PRKG1: variants seen among roughly 807,000 people sequenced by gnomAD.
PRKG1 encodes the protein protein kinase cGMP-dependent 1.
Under a neutral mutation model 88.1 loss-of-function variants are expected in PRKG1, and 35 were observed. That is an observed-to-expected ratio of 0.40 (90% CI 0.30 to 0.53). The LOEUF (loss-of-function observed/expected upper bound fraction) is 0.53, where lower values mean the gene tolerates loss of function less well. Ranked by LOEUF, PRKG1 falls within the 20% of genes least tolerant of loss-of-function variation. The pLI, the probability that PRKG1 is intolerant of heterozygous loss-of-function variation, is 0.59. For missense variants in PRKG1, 540 were observed against 839.8 expected (o/e 0.64, Z 4.41); for synonymous variants, 303 against 292.5 (o/e 1.04, Z -0.37).
chr10:52,160,764 A>G (rs1393253214), intron 8 of PRKG1, among the ~76,000 whole-genome samples: 1 of 152,108 alleles, frequency 6.6e-6, no homozygotes, highest in Non-Finnish European at 1.5e-5. Context: ...AACCATTTAC[A>G]TGTATTAAGC....
intron 5 of PRKG1, among the ~76,000 whole-genome samples, chr10:52,027,643 A>C (rs1245250938): frequency 6.6e-6 from 1 of 151,490 alleles, no homozygotes; most frequent in African/African-American, 2.5e-5. Context: ...TTGCAATGAC[A>C]GTCTATGACA....
At chr10:52,122,374 A>C (rs1006493813) in intron 7 of PRKG1, among the ~76,000 whole-genome samples, 1 of 152,222 alleles carries the variant, frequency 6.6e-6, no homozygotes, top group Admixed American at 6.5e-5. Flanking sequence ...TCCAAGACAT[A>C]AATTCTGGGG....
chr10:51,999,144 G>A (rs894617873), intron 5 of PRKG1, among the ~76,000 whole-genome samples: 2 of 152,160 alleles, frequency 1.3e-5, no homozygotes, highest in Admixed American at 1.3e-4. Flanking sequence ...TTATATGTGG[G>A]AGATTAAAAA....
At chr10:51,581,567 TG>T (rs1216973594) in intron 3 of PRKG1, among the ~76,000 whole-genome samples, 1 of 152,162 alleles carries the variant, frequency 6.6e-6, no homozygotes, top group Non-Finnish European at 1.5e-5. Flanking sequence ...ATAGGAATCT[TG>T]GTGATGTGAA....
At chr10:51,143,064 C>T (rs897912536) in intron 1 of PRKG1, among the ~76,000 whole-genome samples, 1 of 152,018 alleles carries the variant, frequency 6.6e-6, no homozygotes, top group African/African-American at 2.4e-5. Flanking sequence ...TACAGTAGGT[C>T]TCTTGAAATT....
At chr10:51,745,197 CA>C (rs1837545880) in intron 3 of PRKG1, among the ~76,000 whole-genome samples, 1 of 152,130 alleles carries the variant, frequency 6.6e-6, no homozygotes, top group South Asian at 2.1e-4. Flanking sequence ...TTTTAAGAGT[CA>C]AATAATTGTT....
chr10:50,991,465 G>C lies in PRKG1; in HGVS notation c.87G>C (p.Lys29Asn). The C allele has an allele frequency of 6.2e-7, 1 of 1,608,396 alleles. No homozygotes were observed. Among genetic ancestry groups the C allele is most frequent in the Non-Finnish European group, 8.5e-7 (1 of 1,177,764 alleles). Reference sequence around the variant, plus strand: ...AGCTGGAGAAGCGGCTGTCAGAGAAGGAGGAAGAAATTCAGGAGCTGAAGA... The same window carrying C: ...AGCTGGAGAAGCGGCTGTCAGAGAACGAGGAAGAAATTCAGGAGCTGAAGA... The change falls in exon 1 of 18, where the codon AAG (lysine) becomes AAC (asparagine). Residue 29 changes from lysine (K) to asparagine (N), a missense_variant. Physicochemically the swap from Lys to Asn is moderately conservative, Grantham distance 94. Transcript: ENST00000401604. This position sits in a 1 kb window ranked among gnomAD's most constrained non-coding sequence, Gnocchi z 4.5.
At chr10:51,593,961 G>A (rs562926178) in intron 3 of PRKG1, among the ~76,000 whole-genome samples, 1 of 151,926 alleles carries the variant, frequency 6.6e-6, no homozygotes, top group Non-Finnish European at 1.5e-5. Context: ...CTGACCTCAG[G>A]TAATCTACCC....
intron 9 of PRKG1, among the ~76,000 whole-genome samples, chr10:52,240,582 A>G (rs965141620): frequency 9.2e-5 from 14 of 152,298 alleles, no homozygotes; most frequent in African/African-American, 3.1e-4. Context: ...TGGCAGCATC[A>G]TAGAACAATG....
chr10:51,182,221 G>C (rs1339260397), intron 2 of PRKG1, among the ~76,000 whole-genome samples: 3 of 152,178 alleles, frequency 2.0e-5, no homozygotes, highest in Non-Finnish European at 2.9e-5. Flanking sequence ...TGGTGTTGAA[G>C]ACTTTGGGAT....
At chr10:51,835,221 G>A (rs1392210996) in intron 4 of PRKG1, among the ~76,000 whole-genome samples, 1 of 152,188 alleles carries the variant, frequency 6.6e-6, no homozygotes, top group Admixed American at 6.5e-5. Flanking sequence ...TCTGGCAGGT[G>A]GTACTTGACA....
intron 4 of PRKG1, among the ~76,000 whole-genome samples, chr10:51,846,693 C>T (rs1840407551): frequency 6.6e-6 from 1 of 152,166 alleles, no homozygotes; most frequent in Non-Finnish European, 1.5e-5. Flanking sequence ...GGTGCCCACT[C>T]TCAGCAGAGA....
rs533706981 is a variant in PRKG1, at chr10:51,545,623, T to A, written c.592+77787T>A. Among the ~76,000 whole-genome samples, 10 of 152,258 alleles carry A rather than the reference T, an allele frequency of 6.6e-5. No homozygotes were observed. In the East Asian group the frequency reaches 1.9e-3, roughly 29 times the overall value. On this transcript the variant is annotated intron_variant, in intron 3 of 17. Transcript: ENST00000373980. ...CGTTTGAATCCTTTTATTATGTTGTTGCCAGAATAAATATCTGTATAACAA... is the reference window on the plus strand; with the variant it reads ...CGTTTGAATCCTTTTATTATGTTGTAGCCAGAATAAATATCTGTATAACAA...
At chr10:51,174,347 G>A (rs1385795045) in intron 2 of PRKG1, among the ~76,000 whole-genome samples, 1 of 150,568 alleles carries the variant, frequency 6.6e-6, no homozygotes, top group African/African-American at 2.5e-5. Context: ...TTGTAACATT[G>A]TAAACATTTT....
chr10:51,317,714 A>C (rs944125223), intron 2 of PRKG1, among the ~76,000 whole-genome samples: 6 of 152,186 alleles, frequency 3.9e-5, no homozygotes, highest in Non-Finnish European at 7.4e-5. Context: ...TATTCTGAAC[A>C]TTGCAACTCC....
intron 2 of PRKG1, among the ~76,000 whole-genome samples, chr10:51,253,720 G>A (rs1474884313): frequency 6.6e-6 from 1 of 151,870 alleles, no homozygotes; most frequent in Non-Finnish European, 1.5e-5. Context: ...TTTTATCAGC[G>A]AGGTGCAGAG....
intron 7 of PRKG1, among the ~76,000 whole-genome samples, chr10:52,079,034 G>A (rs1846701929): frequency 6.6e-6 from 1 of 152,186 alleles, no homozygotes. Context: ...TTTCTCAAAT[G>A]CATTAATTGC....
chr10:51,537,748 A>AT (rs71029378), intron 3 of PRKG1, among the ~76,000 whole-genome samples: 1 of 150,878 alleles, frequency 6.6e-6, no homozygotes, highest in African/African-American at 2.4e-5. Context: ...AAAAAAAAAA[A>AT]TTACTCGGGG....
intron 4 of PRKG1, among the ~76,000 whole-genome samples, chr10:51,904,799 A>G (rs1842050914): frequency 6.6e-6 from 1 of 152,186 alleles, no homozygotes; most frequent in Non-Finnish European, 1.5e-5. Flanking sequence ...AAGATGATAT[A>G]TTTAAAATGC....
Sources: gnomAD v4.1 joint callset for allele counts (sites outside exome capture counted in the v4.1 genomes callset) on GRCh38, gnomAD v4.1.1 for gene constraint, Gnocchi (gnomAD v3.1) non-coding constraint, MANE v1.5 for transcripts, NCBI Gene and HGNC (gene_info 2026-07-23, HGNC 2026-07-21) for gene names.